The following USP31 variants were observed in gnomAD, a reference collection of about 807,000 sequenced individuals.
USP31 encodes ubiquitin specific peptidase 31, also known as ubiquitin carboxyl-terminal hydrolase 31.
USP31 carries 44 observed loss-of-function variants against 119.4 expected under a neutral mutation model. That is an observed-to-expected ratio of 0.37 (90% CI 0.29 to 0.47). The LOEUF is 0.47. Ranked by LOEUF, USP31 falls within the 20% of genes least tolerant of loss-of-function variation. The pLI, the probability that USP31 is intolerant of heterozygous loss-of-function variation, is 0.99. For missense variants in USP31, 1,643 were observed against 1,730.2 expected (o/e 0.95, Z 0.89); for synonymous variants, 749 against 705.6 (o/e 1.06, Z -0.97).
At chr16:23,069,951 G>A (rs1900278474) in intron 15 of USP31, among the ~76,000 whole-genome samples, 1 of 152,218 alleles carries the variant, frequency 6.6e-6, no homozygotes, top group Non-Finnish European at 1.5e-5. Flanking sequence ...ATTCAACTCT[G>A]TCACTGCTGC....
At chr16:23,112,287 T>C (rs1342127040) in intron 1 of USP31, among the ~76,000 whole-genome samples, 1 of 152,118 alleles carries the variant, frequency 6.6e-6, no homozygotes. Flanking sequence ...GCATTATATA[T>C]ATATAAACGG....
In USP31 at chr16:23,149,398, G is replaced by A; in HGVS notation, c.-128C>T. On this transcript the variant is annotated 5_prime_UTR_variant, in exon 1 of 16. Transcript: ENST00000219689. ...GGCTCGACGCCCCACACACCTCAAA[G>A]CGCAGCCGAGCCAGCGAGCGAGCGG... is the stretch of plus-strand genomic sequence containing the variant. The A allele has an allele frequency of 1.0e-6, 1 of 967,290 alleles. No homozygotes were observed. 59.9% of individuals were successfully genotyped at this position (967,290 alleles called of 1,614,324 possible). A position where few individuals can be genotyped will look rare whatever the true frequency, so the allele number is the denominator to read the frequency against.
chr16:23,107,563 T>C (rs940993230), intron 2 of USP31, among the ~76,000 whole-genome samples: 1 of 152,228 alleles, frequency 6.6e-6, no homozygotes, highest in Non-Finnish European at 1.5e-5. Flanking sequence ...TTACCCATAT[T>C]TGTAAGACTA....
At position 23,106,473 on chromosome 16, in the gene USP31, A is replaced by G. The variant is rs1229620362; in HGVS notation, c.786T>C (p.Thr262=). ...AAGATGGTCCCTCAGGCATCATATC[A>G]GTCTCTGATGGTGGCTAAAAAAAAA... ...GQPPLKPPSE[T]DMMPEGPSFP... The change falls in exon 3 of 16, where the codon ACT becomes ACC. Residue 262 remains threonine, a synonymous_variant. Transcript: ENST00000219689. The G allele has an allele frequency of 1.2e-6, 2 of 1,612,080 alleles. No individual in the cohort carries two copies. The highest frequency in any genetic ancestry group is 1.7e-6 in the Non-Finnish European group (2 of 1,179,378).
intron 6 of USP31, among the ~76,000 whole-genome samples, chr16:23,094,182 C>A (rs1901498274): frequency 6.6e-6 from 1 of 152,304 alleles, no homozygotes; most frequent in East Asian, 1.9e-4. Flanking sequence ...AACCGGCAGA[C>A]AAGGAGATTC....
chr16:23,068,357 G>T lies in USP31; in HGVS notation c.3748C>A (p.Leu1250Ile). Residue 1250 changes from leucine (L) to isoleucine (I), a missense_variant, in exon 16 of 16, where the codon CTC (leucine) becomes ATC (isoleucine). Physicochemically the swap from Leu to Ile is conservative, Grantham distance 5. Around this residue, in one of 5 missense-constraint regions of USP31, gnomAD observed 699 missense variants for 650.9 expected, o/e 1.07. Coordinates refer to ENST00000219689, the MANE Select transcript of USP31 (RefSeq NM_020718.4). ...GAGCTCCCACCAGCCTTTTTAGAGA[G>T]CAAGGCTGTCTTGCCAAGATCCGTC... ...RSTDLGKTALLSKKAGGSSVK... is the reference protein window; with the variant it reads ...RSTDLGKTALISKKAGGSSVK... 1 of 1,614,190 alleles carries T rather than the reference G, an allele frequency of 6.2e-7. No individual in the cohort carries two copies. The highest frequency in any genetic ancestry group is 8.5e-7 in the Non-Finnish European group (1 of 1,180,030).
rs1371225377 is a variant in USP31 at position 23,148,955 on chromosome 16, G to C, written c.316C>G (p.Pro106Ala). 4.7e-5 allele frequency: 48 copies of C among 1,030,522 alleles called. No homozygotes were observed. The highest frequency in any genetic ancestry group is 5.1e-5 in the Non-Finnish European group (44 of 857,432). 63.8% of individuals were successfully genotyped at this position (1,030,522 alleles called of 1,614,324 possible). The change falls in exon 1 of 16, where the codon CCG becomes GCG. Residue 106 changes from proline to alanine, a missense_variant. Coordinates refer to ENST00000219689, the MANE Select transcript of USP31 (RefSeq NM_020718.4). ...GGAGAGGCGGGCGGCGGCGGGCACG[G>C]CGGCGGCGTGGGCGCGGCGGCCGGC... ...PGPAAAPTPP[P>A]CPPPPASPAP...
At chr16:23,112,553 C>G (rs1454536477) in intron 1 of USP31, among the ~76,000 whole-genome samples, 2 of 151,190 alleles carry the variant, frequency 1.3e-5, no homozygotes, top group Admixed American at 6.6e-5. Context: ...CCAGCTTGGA[C>G]GAGAAGAGTG....
Position 23,148,533 on chromosome 16 carries a change from G to A in USP31, c.633+105C>T, listed in dbSNP as rs553933164. The A allele has an allele frequency of 1.4e-3, 1,975 of 1,362,414 alleles. 2 individuals are homozygous for A. Among genetic ancestry groups the A allele is most frequent in the Non-Finnish European group, 1.7e-3 (1,833 of 1,063,654 alleles). 84.4% of individuals were successfully genotyped at this position (1,362,414 alleles called of 1,614,324 possible). A position where few individuals can be genotyped will look rare whatever the true frequency, so the allele number is the denominator to read the frequency against. ...GCCCAGACCACTCGGAGCAACCAAT[G>A]CAGAAGCCTGCCGGGCCAAGAGGAA... On this transcript the variant is annotated intron_variant, in intron 1 of 15. Coordinates refer to ENST00000219689, the MANE Select transcript of USP31 (RefSeq NM_020718.4).
Position 23,082,449 on chromosome 16 carries a change from T to C in USP31, c.1939A>G (p.Arg647Gly), listed in dbSNP as rs763012704. The C allele has an allele frequency of 6.2e-7, 1 of 1,614,044 alleles. No homozygotes were observed. The highest frequency in any genetic ancestry group is 1.7e-5 in the Admixed American group (1 of 60,008). ...AAGGATTTCCATACCTGCCGAAATC[T>C]CTTTAGATGTATAATAAGCACATCA... ...LPDVLIIHLK[R>G]FRQEGDRRMK... Residue 647 changes from arginine (R) to glycine (G), a missense_variant, in exon 12 of 16, where the codon AGA (arginine) becomes GGA (glycine). Arg to Gly is a moderately radical substitution (Grantham distance 125). Transcript: ENST00000219689.
chr16:23,074,222 G>T (rs571683742), intron 13 of USP31, among the ~76,000 whole-genome samples: 128 of 152,184 alleles, frequency 8.4e-4, no homozygotes, highest in Non-Finnish European at 1.6e-3. Flanking sequence ...ACAACTCAAG[G>T]GAGAGGTGCT....
At position 23,065,001 on chromosome 16, in the gene USP31, CTAAGA is replaced by C; in HGVS notation, c.*3040_*3044del. ...AAATACAAAACGGATGGGAAATGGT[CTAAGA>C]TGACTGGAGCCTAACGGTTTGAGTT... On this transcript the variant is annotated 3_prime_UTR_variant, in exon 16 of 16. Transcript: ENST00000219689. 6.6e-6 allele frequency: 1 copy of C among 152,264 alleles called. No individual in the cohort carries two copies. The highest frequency in any genetic ancestry group is 2.1e-4 in the South Asian group (1 of 4,824). The allele number at this position is 152,264 out of a possible 1,614,324, so 9.4% of individuals were successfully genotyped here.
At chr16:23,089,650 G>C (rs1901266219) in intron 7 of USP31, among the ~76,000 whole-genome samples, 1 of 152,184 alleles carries the variant, frequency 6.6e-6, no homozygotes, top group South Asian at 2.1e-4. Context: ...AAGAAACACT[G>C]AGTCCTTTCT....
At chr16:23,129,808 GTTAGGGGA>G (rs1397557521) in intron 1 of USP31, among the ~76,000 whole-genome samples, 1 of 152,162 alleles carries the variant, frequency 6.6e-6, no homozygotes, top group East Asian at 1.9e-4. Context: ...AACTACAGGG[GTTAGGGGA>G]ACTTTAATGT....
In USP31 at chr16:23,102,474, GA is replaced by G. The variant is rs1567236500; in HGVS notation, c.1090-12del. On this transcript the variant is annotated splice_polypyrimidine_tract_variant and intron_variant, in intron 5 of 15. Coordinates refer to ENST00000219689, the MANE Select transcript of USP31 (RefSeq NM_020718.4). The stretch of plus-strand genomic sequence containing the variant: ...TTCTGTTAACACAATCTAAAAATAG[GA>G]AAAATGTAAACAGGTGGGTAACTGG... 4 of 1,595,952 alleles carry G rather than the reference GA, an allele frequency of 2.5e-6. No individual in the cohort carries two copies. The highest frequency in any genetic ancestry group is 3.4e-6 in the Non-Finnish European group (4 of 1,172,996).
intron 1 of USP31, among the ~76,000 whole-genome samples, chr16:23,126,814 A>G (rs1187509468): frequency 6.6e-6 from 1 of 152,182 alleles, no homozygotes; most frequent in Non-Finnish European, 1.5e-5. Flanking sequence ...ACACGAAGAA[A>G]AGCAAGAGGA....
rs561569571 is a variant in USP31, at chr16:23,119,411, G to A, written c.634-11228C>T. ...CCGTGCCCGGCCAATTACCACTATT[G>A]TTCAACCTCAGCTGATTAAAAAAGC... On this transcript the variant is annotated intron_variant, in intron 1 of 15. Transcript: ENST00000219689. Among the ~76,000 whole-genome samples the A allele has an allele frequency of 3.9e-5, 6 of 152,172 alleles. No individual in the cohort carries two copies. In the South Asian group the frequency reaches 1.2e-3, roughly 32 times the overall value.
rs555380492 is a variant in USP31 at position 23,149,100 on chromosome 16, AGAGGAGGGC to A, written c.162_170del (p.Pro55_Ser57del). 162 of 1,271,666 alleles carry A rather than the reference AGAGGAGGGC, an allele frequency of 1.3e-4. 1 individual carries two copies. The highest frequency in any genetic ancestry group is 2.0e-4 in the African/African-American group (13 of 63,642). The allele number at this position is 1,271,666 out of a possible 1,614,324, so 78.8% of individuals were successfully genotyped here. On this transcript the variant is annotated inframe_deletion, in exon 1 of 16. Coordinates refer to ENST00000219689, the MANE Select transcript of USP31 (RefSeq NM_020718.4). ...TCATGAAGCTGCCCACCGAGCGTGCAGAGGAGGGCGAGGAGGGCGAGGAAGGCGCGGCCG... is the reference window on the plus strand; with the variant it reads ...TCATGAAGCTGCCCACCGAGCGTGCAGAGGAGGGCGAGGAAGGCGCGGCCG...
At chr16:23,075,733 A>T (rs748452541) in intron 13 of USP31, among the ~76,000 whole-genome samples, 22 of 152,198 alleles carry the variant, frequency 1.4e-4, no homozygotes, top group Non-Finnish European at 2.9e-4. Flanking sequence ...TACACAATCG[A>T]TTATATCATT....
Sources: allele counts gnomAD v4.1 joint callset (sites outside exome capture counted in the v4.1 genomes callset), GRCh38; gene constraint gnomAD v4.1.1; regional missense constraint gnomAD v4.1.1; transcripts MANE v1.5; gene names NCBI Gene and HGNC (gene_info 2026-07-23, HGNC 2026-07-21).